RAB4B: variants seen among roughly 807,000 people sequenced by gnomAD.
RAB4B encodes RAB4B, member RAS oncogene family.
A neutral mutation model predicts 28.3 loss-of-function variants in RAB4B; 15 were observed. The ratio of observed to expected loss-of-function variants is 0.53; its 90% confidence interval spans 0.35 to 0.82. The LOEUF is 0.82. RAB4B is among the 40% of genes least tolerant of loss of function. The pLI is 0.01. For synonymous variants in RAB4B, 108 were observed against 116.3 expected (o/e 0.93, Z 0.46); for missense variants, 244 against 288.5 (o/e 0.85, Z 1.12).
At chr19:40,787,406 G>A (rs2145052085) in intron 7 of RAB4B, among the ~76,000 whole-genome samples, 1 of 152,018 alleles carries the variant, frequency 6.6e-6, no homozygotes, top group African/African-American at 2.4e-5. Flanking sequence ...GTGGTGGCAG[G>A]TGCCTGTAAT....
chr19:40,791,841 G>A (rs2083162647), intron 7 of RAB4B, among the ~76,000 whole-genome samples: 1 of 152,034 alleles, frequency 6.6e-6, no homozygotes, highest in Non-Finnish European at 1.5e-5. Context: ...CACCACGTTG[G>A]CCAGCTGCTC....
intron 7 of RAB4B, among the ~76,000 whole-genome samples, chr19:40,789,001 C>T (rs946714213): frequency 2.0e-5 from 3 of 151,600 alleles, no homozygotes; most frequent in Admixed American, 2.0e-4. Context: ...AGGCTGGTCT[C>T]GATCTCTTGA....
At chr19:40,790,165 C>T (rs2083143564) in intron 7 of RAB4B, among the ~76,000 whole-genome samples, 1 of 152,070 alleles carries the variant, frequency 6.6e-6, no homozygotes, top group Non-Finnish European at 1.5e-5. Context: ...GCAGAGAGTT[C>T]CTCTGGCTGC....
intron 3 of RAB4B, among the ~76,000 whole-genome samples, chr19:40,781,787 C>G (rs1455402980): frequency 6.6e-6 from 1 of 151,864 alleles, no homozygotes; most frequent in Non-Finnish European, 1.5e-5. Context: ...TTTGGGAGGC[C>G]GAGGCGGGCG....
chr19:40,795,589 G>A lies in RAB4B; in HGVS notation c.*16-981G>A, dbSNP rs529005929. ...TAATTTTTGTATTTTTAGTAGAGAC[G>A]GGGTTTCACCATTGGCCAGGGCGGT... On this transcript the variant is annotated intron_variant, in intron 7 of 7. Coordinates refer to ENST00000357052, the MANE Select transcript of RAB4B (RefSeq NM_016154.5). Among the ~76,000 whole-genome samples, 18 of 151,566 alleles carry A rather than the reference G, an allele frequency of 1.2e-4. 1 individual carries two copies. The South Asian group carries it at 2.7e-3, about 23-fold the overall frequency.
Position 40,778,401 on chromosome 19 carries a change from G to T in RAB4B, c.16+10G>T. 6.8e-7 allele frequency: 1 copy of T among 1,462,704 alleles called. No homozygotes were observed. The highest frequency in any genetic ancestry group is 9.0e-7 in the Non-Finnish European group (1 of 1,110,562). 90.6% of individuals were successfully genotyped at this position (1,462,704 alleles called of 1,614,324 possible). On this transcript the variant is annotated intron_variant, in intron 1 of 7. Transcript: ENST00000357052. Reference sequence around the variant, plus strand: ...ATGGCTGAGACCTACGGTGAGGGTGGTGGACGAAGCTGGGGTCCTGGGTCT... The same window carrying T: ...ATGGCTGAGACCTACGGTGAGGGTGTTGGACGAAGCTGGGGTCCTGGGTCT...
chr19:40,791,949 G>A (rs2083163636), intron 7 of RAB4B, among the ~76,000 whole-genome samples: 1 of 152,156 alleles, frequency 6.6e-6, no homozygotes, highest in South Asian at 2.1e-4. Context: ...TTCTTGACAG[G>A]CTTTCAAAAC....
intron 7 of RAB4B, among the ~76,000 whole-genome samples, chr19:40,793,600 A>G (rs1481368429): frequency 1.1e-5 from 1 of 93,550 alleles, no homozygotes; most frequent in Admixed American, 1.3e-4. Flanking sequence ...TTTTTTAGAT[A>G]TGGTCTCACT....
intron 7 of RAB4B, among the ~76,000 whole-genome samples, chr19:40,788,481 T>TA (rs751428239): frequency 2.2e-3 from 149 of 67,034 alleles, no homozygotes; most frequent in South Asian, 0.015. Context: ...GCGAGACTCT[T>TA]AAAAAAAAAA....
At chr19:40,784,257 C>A (rs908475232) in intron 5 of RAB4B, among the ~76,000 whole-genome samples, 182 bp downstream of exon 5, 5 of 151,998 alleles carry the variant, frequency 3.3e-5, no homozygotes, top group Non-Finnish European at 7.4e-5. Flanking sequence ...TTTGGGAGGC[C>A]AAGGTGGGAG....
At chr19:40,785,611 CCT>C (rs1278048755) in intron 5 of RAB4B, 33 of 152,162 alleles carry the variant, frequency 2.2e-4, no homozygotes, top group African/African-American at 5.3e-4. Flanking sequence ...CCTGTGTTCC[CCT>C]GTTTTGCAAC....
chr19:40,795,368 A>G (rs1425834894), intron 7 of RAB4B, among the ~76,000 whole-genome samples: 2 of 123,818 alleles, frequency 1.6e-5, no homozygotes, highest in Non-Finnish European at 3.2e-5. Flanking sequence ...AGGCAGGTTC[A>G]TTTTATTTAT....
intron 3 of RAB4B, among the ~76,000 whole-genome samples, chr19:40,783,042 G>A (rs1478343231): frequency 6.6e-6 from 1 of 151,236 alleles, no homozygotes; most frequent in East Asian, 1.9e-4. Flanking sequence ...AGAGGCTGAG[G>A]TGGGAGAATC....
At chr19:40,780,978 A>AG (rs2083041098) in intron 3 of RAB4B, among the ~76,000 whole-genome samples, 1 of 151,918 alleles carries the variant, frequency 6.6e-6, no homozygotes, top group East Asian at 1.9e-4. Context: ...GAAGAGAATG[A>AG]TAAGGGAGGT....
intron 3 of RAB4B, among the ~76,000 whole-genome samples, chr19:40,783,030 C>T (rs1039429408): frequency 4.0e-5 from 6 of 150,394 alleles, no homozygotes; most frequent in Non-Finnish European, 4.4e-5. Context: ...CCTGGCTACT[C>T]GAGAGGCTGA....
chr19:40,788,808 G>A (rs1182591993), intron 7 of RAB4B, among the ~76,000 whole-genome samples: 3 of 29,356 alleles, frequency 1.0e-4, no homozygotes, highest in Admixed American at 4.0e-4. Flanking sequence ...TTTTTTTTTT[G>A]AGATGGAGTC....
chr19:40,781,312 G>GAATAAATAAATA (rs769534052), intron 3 of RAB4B, among the ~76,000 whole-genome samples: 3 of 144,350 alleles, frequency 2.1e-5, no homozygotes, highest in East Asian at 2.0e-4. Context: ...ATAAATAAAT[G>GAATAAATAAATA]AATAAATAAA....
chr19:40,789,191 C>T (rs1056513228), intron 7 of RAB4B, among the ~76,000 whole-genome samples: 2 of 151,560 alleles, frequency 1.3e-5, no homozygotes, highest in African/African-American at 2.4e-5. Context: ...CCACTGCGCC[C>T]GGCCAAGAAT....
At chr19:40,787,190 T>C (rs2083108319) in intron 7 of RAB4B, among the ~76,000 whole-genome samples, 1 of 148,790 alleles carries the variant, frequency 6.7e-6, no homozygotes, top group Non-Finnish European at 1.5e-5. Flanking sequence ...AGGCAGTTCA[T>C]TGGGTGGGGG....
Sources: gnomAD v4.1 joint callset for allele counts (sites outside exome capture counted in the v4.1 genomes callset) on GRCh38, gnomAD v4.1.1 for gene constraint, MANE v1.5 for transcripts, NCBI Gene and HGNC (gene_info 2026-07-23, HGNC 2026-07-21) for gene names.